Variants in DERL1 observed in about 807,000 individuals in gnomAD.
The protein encoded by DERL1 is derlin 1.
DERL1 carries 24 observed loss-of-function variants against 41.6 expected under a neutral mutation model. The observed-to-expected ratio is 0.58, with a 90% confidence interval of 0.42 to 0.81. The LOEUF (loss-of-function observed/expected upper bound fraction) is 0.81, where lower values mean the gene tolerates loss of function less well. DERL1 is among the 30% of genes least tolerant of loss of function. The pLI is 0.00. For synonymous variants in DERL1, 124 were observed against 112.5 expected, an observed-to-expected ratio of 1.10 and a Z score of -0.65; for missense variants, 260 against 314.3, an observed-to-expected ratio of 0.83 and a Z score of 1.31.
intron 1 of DERL1, among the ~76,000 whole-genome samples, chr8:123,039,158 A>C (rs938069209): frequency 9.2e-5 from 14 of 152,080 alleles, no homozygotes; most frequent in African/African-American, 2.9e-4. Flanking sequence ...TCACAGCCAC[A>C]CTGATCCAAA....
chr8:123,042,162 A>C lies in DERL1; in HGVS notation c.-40T>G. ...TAGCCAAGATGCACAAGACCGCCCG[A>C]CTCCCCGTGCCGACCCCCTCACGAC... On this transcript the variant is annotated 5_prime_UTR_variant, in exon 1 of 8. Coordinates refer to ENST00000259512, the MANE Select transcript of DERL1 (RefSeq NM_024295.6). 5.2e-6 allele frequency: 8 copies of C among 1,533,392 alleles called. No homozygotes were observed. The highest frequency in any genetic ancestry group is 6.2e-6 in the Non-Finnish European group (7 of 1,133,090). The allele number at this position is 1,533,392 out of a possible 1,614,324, so 95.0% of individuals were successfully genotyped here.
At position 123,015,283 on chromosome 8, in the gene DERL1, A is replaced by T; in HGVS notation, c.*164T>A. Reference sequence around the variant, plus strand: ...GAATGAGAATCGTGAAACTTGTGGAACACTTATATTTTTCTTCGGGATTTA... The same window carrying T: ...GAATGAGAATCGTGAAACTTGTGGATCACTTATATTTTTCTTCGGGATTTA... On this transcript the variant is annotated 3_prime_UTR_variant, in exon 8 of 8. Coordinates refer to ENST00000259512, the MANE Select transcript of DERL1 (RefSeq NM_024295.6). 1 of 952,572 alleles carries T rather than the reference A, an allele frequency of 1.0e-6. No homozygotes were observed. The highest frequency in any genetic ancestry group is 2.2e-5 in the South Asian group (1 of 45,178). 59.0% of individuals were successfully genotyped at this position (952,572 alleles called of 1,614,324 possible).
At chr8:123,030,840 C>A (rs1812805189) in intron 1 of DERL1, 124 bp from the exon 2 acceptor site, 2 of 673,032 alleles carry the variant, frequency 3.0e-6, no homozygotes, top group Non-Finnish European at 5.2e-6. Context: ...ATCCTACCAA[C>A]ACAACTCAAG....
Position 123,015,359 on chromosome 8 carries a change from A to C in DERL1, c.*88T>G, listed in dbSNP as rs892061603. The C allele has an allele frequency of 6.6e-7, 1 of 1,514,930 alleles. No individual in the cohort carries two copies. Among genetic ancestry groups the C allele is most frequent in the Non-Finnish European group, 8.9e-7 (1 of 1,123,866 alleles). The allele number at this position is 1,514,930 out of a possible 1,614,324, so 93.8% of individuals were successfully genotyped here. On this transcript the variant is annotated 3_prime_UTR_variant, in exon 8 of 8. Transcript: ENST00000259512. ...CTACATTCAGTGTGGGTCAGGTCCA[A>C]CAGTGTTAGCCAGAACGCAGTTGTT... is the stretch of plus-strand genomic sequence containing the variant.
In DERL1 at chr8:123,042,226, C is replaced by A. The variant is rs1813098198; in HGVS notation, c.-104G>T. On this transcript the variant is annotated 5_prime_UTR_variant, in exon 1 of 8. Transcript: ENST00000259512. The stretch of plus-strand genomic sequence containing the variant: ...CGACTGTTAGGTGTCTAGGTGGAAG[C>A]CGCCGAAGCCGCGATGCAGAAGGCG... The A allele has an allele frequency of 2.9e-6, 4 of 1,366,708 alleles. No homozygotes were observed. The highest frequency in any genetic ancestry group is 3.8e-6 in the Non-Finnish European group (4 of 1,047,590). The allele number at this position is 1,366,708 out of a possible 1,614,324, so 84.7% of individuals were successfully genotyped here. A position where few individuals can be genotyped will look rare whatever the true frequency, so the allele number is the denominator to read the frequency against.
At chr8:123,019,057 G>C (rs1814684433) in intron 7 of DERL1, 138 bp downstream of exon 7, 6 of 693,466 alleles carry the variant, frequency 8.7e-6, no homozygotes, top group African/African-American at 3.6e-5. Context: ...TGTGTGACTA[G>C]GGTAAGTCAC....
At chr8:123,020,486 A>G (rs1385833596) in intron 6 of DERL1, among the ~76,000 whole-genome samples, 1 of 152,098 alleles carries the variant, frequency 6.6e-6, no homozygotes, top group African/African-American at 2.4e-5. Flanking sequence ...TCTTGAAAAA[A>G]TAAATAAGTA....
intron 1 of DERL1, among the ~76,000 whole-genome samples, chr8:123,035,580 G>C (rs542986141): frequency 2.6e-5 from 4 of 152,120 alleles, no homozygotes; most frequent in South Asian, 2.1e-4. Context: ...GAGGACTCGT[G>C]GGGGAGTATC....
chr8:123,030,972 A>G (rs1307348169), intron 1 of DERL1, among the ~76,000 whole-genome samples: 1 of 152,248 alleles, frequency 6.6e-6, no homozygotes, highest in Admixed American at 6.5e-5. Flanking sequence ...CAAAATCAAT[A>G]CTATATGAGT....
rs531976781 is a variant in DERL1, at chr8:123,014,217, G to A, written c.*1230C>T. On this transcript the variant is annotated 3_prime_UTR_variant, in exon 8 of 8. Transcript: ENST00000259512. ...GGAAAAGCCCACCTACGAAAAAAAG[G>A]TGTGGGTATTTAAGCTGGTCTGATT... is the stretch of plus-strand genomic sequence containing the variant. 1 of 152,642 alleles carries A rather than the reference G, an allele frequency of 6.6e-6. No homozygotes were observed. Among genetic ancestry groups the A allele is most frequent in the Non-Finnish European group, 1.5e-5 (1 of 68,046 alleles). 9.5% of individuals were successfully genotyped at this position (152,642 alleles called of 1,614,324 possible). A position where few individuals can be genotyped will look rare whatever the true frequency, so the allele number is the denominator to read the frequency against.
intron 4 of DERL1, 68 bp from the exon 5 acceptor site, chr8:123,022,847 GC>G: frequency 7.8e-7 from 1 of 1,275,798 alleles, no homozygotes; most frequent in South Asian, 1.2e-5. Flanking sequence ...CATCTACTAT[GC>G]TTTTTACCCC....
chr8:123,030,020 A>C (rs1452971377), intron 2 of DERL1, among the ~76,000 whole-genome samples: 1 of 152,068 alleles, frequency 6.6e-6, no homozygotes, highest in Non-Finnish European at 1.5e-5. Context: ...AGATGGCACC[A>C]CTGCACTCCA....
rs762151797 is a variant in DERL1 at position 123,022,139 on chromosome 8, A to G, written c.453+545T>C. ...CAGCTACATGTGCTAAGTACTAAAGAGAAACACAAAGTATTGAAAAAGCCC... is the reference window on the plus strand; with the variant it reads ...CAGCTACATGTGCTAAGTACTAAAGGGAAACACAAAGTATTGAAAAAGCCC... On this transcript the variant is annotated intron_variant, in intron 5 of 7. Coordinates refer to ENST00000259512, the MANE Select transcript of DERL1 (RefSeq NM_024295.6). Among the ~76,000 whole-genome samples, 111 of 152,234 alleles carry G rather than the reference A, an allele frequency of 7.3e-4. 1 individual carries two copies. Among genetic ancestry groups the G allele is most frequent in the Middle Eastern group, 3.2e-3 (1 of 316 alleles).
chr8:123,033,653 G>C (rs943890894), intron 1 of DERL1, among the ~76,000 whole-genome samples: 2 of 152,194 alleles, frequency 1.3e-5, no homozygotes, highest in African/African-American at 4.8e-5. Flanking sequence ...TGAGGCAGGA[G>C]AATCGCTTGA....
intron 1 of DERL1, among the ~76,000 whole-genome samples, chr8:123,035,555 C>A (rs1225864153): frequency 1.3e-5 from 2 of 152,266 alleles, no homozygotes; most frequent in African/African-American, 4.8e-5. Context: ...GGACTGCCTG[C>A]CTCACACTTA....
At chr8:123,037,814 G>A (rs986169283) in intron 1 of DERL1, among the ~76,000 whole-genome samples, 1 of 152,172 alleles carries the variant, frequency 6.6e-6, no homozygotes, top group Non-Finnish European at 1.5e-5. Flanking sequence ...TGACCTCAGG[G>A]AAGTTGTAAC....
At chr8:123,017,152 C>G (rs1479720336) in intron 7 of DERL1, 1 of 152,102 alleles carries the variant, frequency 6.6e-6, no homozygotes, top group Non-Finnish European at 1.5e-5. Context: ...CCCTTTTAAA[C>G]ACAAAATTTA....
chr8:123,032,151 C>T (rs1284144036), intron 1 of DERL1, among the ~76,000 whole-genome samples: 1 of 151,286 alleles, frequency 6.6e-6, no homozygotes, highest in East Asian at 1.9e-4. Context: ...TTTTTCCCCC[C>T]CGAGATAGGA....
intron 7 of DERL1, chr8:123,016,169 G>C (rs536524439): frequency 2.0e-5 from 3 of 152,170 alleles, no homozygotes; most frequent in Admixed American, 2.0e-4. Flanking sequence ...CAGATGGTGG[G>C]AGAGCTGGGG....
Sources: allele counts gnomAD v4.1 joint callset (sites outside exome capture counted in the v4.1 genomes callset), GRCh38; gene constraint gnomAD v4.1.1; transcripts MANE v1.5; gene names NCBI Gene and HGNC (gene_info 2026-07-23, HGNC 2026-07-21).